The following ATG16L1 variants were observed in gnomAD, a reference collection of about 807,000 sequenced individuals.
ATG16L1 encodes autophagy related 16 like 1, also known as autophagy-related protein 16-1.
ATG16L1 carries 37 observed loss-of-function variants against 88.5 expected under a neutral mutation model. The observed-to-expected ratio is 0.42, with a 90% CI of 0.32 to 0.55. The LOEUF (loss-of-function observed/expected upper bound fraction) is 0.55, where lower values mean the gene tolerates loss of function less well. Ranked by LOEUF, ATG16L1 falls within the 20% of genes least tolerant of loss-of-function variation. The pLI is 0.13. For missense variants in ATG16L1, 554 were observed against 752.8 expected (o/e 0.74, Z 3.09); for synonymous variants, 301 against 281.0 (o/e 1.07, Z -0.71).
intron 2 of ATG16L1, 130 bp from the exon 3 acceptor site, chr2:233,263,000 A>G: frequency 1.3e-6 from 1 of 776,158 alleles, no homozygotes; most frequent in Non-Finnish European, 2.2e-6. Context: ...AGACACCCGA[A>G]TGGTTTATTG....
intron 1 of ATG16L1, among the ~76,000 whole-genome samples, chr2:233,252,647 C>T (rs1696459532): frequency 6.6e-6 from 1 of 152,066 alleles, no homozygotes; most frequent in South Asian, 2.1e-4. Context: ...CTCGGCCTCC[C>T]AAAGTGCTGG....
At chr2:233,269,336 T>A (rs932790421) in intron 5 of ATG16L1, among the ~76,000 whole-genome samples, 1 of 152,146 alleles carries the variant, frequency 6.6e-6, no homozygotes, top group Admixed American at 6.5e-5. Context: ...CCTAAGTAAA[T>A]CTTCACTGTT....
At chr2:233,252,556 T>A (rs187795452) in intron 1 of ATG16L1, among the ~76,000 whole-genome samples, 4,870 of 151,948 alleles carry the variant, frequency 0.032, 86 homozygotes, top group Non-Finnish European at 0.039. Flanking sequence ...CTAATTTTTT[T>A]AAAAAAAAAT....
At chr2:233,275,466 G>A (rs148143179) in intron 9 of ATG16L1, 16 of 346,756 alleles carry the variant, frequency 4.6e-5, no homozygotes, top group South Asian at 1.6e-4. Context: ...AACTGGCAGC[G>A]GGTAAGTGAA....
Position 233,295,328 on chromosome 2 carries a change from C to T in ATG16L1, c.*978C>T, listed in dbSNP as rs1257982591. On this transcript the variant is annotated 3_prime_UTR_variant, in exon 18 of 18. Transcript: ENST00000392017. Reference sequence around the variant, plus strand: ...ACATTTATCTTTACTATTTTACCTACGTATAAAGTTTTAGTTCATTGGGTG... The same window carrying T: ...ACATTTATCTTTACTATTTTACCTATGTATAAAGTTTTAGTTCATTGGGTG... The T allele has an allele frequency of 6.5e-6, 1 of 152,810 alleles. No homozygotes were observed. The highest frequency in any genetic ancestry group is 1.5e-5 in the Non-Finnish European group (1 of 68,044). 9.5% of individuals were successfully genotyped at this position (152,810 alleles called of 1,614,324 possible).
intron 1 of ATG16L1, among the ~76,000 whole-genome samples, chr2:233,254,968 T>TC (rs1696672162): frequency 2.4e-5 from 3 of 124,184 alleles, no homozygotes; most frequent in Non-Finnish European, 5.7e-5. Flanking sequence ...TCATTTCATT[T>TC]GTTTATTTAT....
Position 233,294,490 on chromosome 2 carries a change from T to G in ATG16L1, c.*140T>G. The G allele has an allele frequency of 1.8e-6, 1 of 561,706 alleles. No homozygotes were observed. 34.8% of individuals were successfully genotyped at this position (561,706 alleles called of 1,614,324 possible). ...GCTCAAGCTATGTGGCACTGTAGCT[T>G]TGCCGTGAATGGGATTTCTGAAGAT... On this transcript the variant is annotated 3_prime_UTR_variant, in exon 18 of 18. Transcript: ENST00000392017.
At chr2:233,283,550 AT>A (rs1336395209) in intron 12 of ATG16L1, among the ~76,000 whole-genome samples, 5 of 151,034 alleles carry the variant, frequency 3.3e-5, no homozygotes, top group Admixed American at 1.3e-4. Flanking sequence ...GTTAAGATGA[AT>A]TTTTTTTCTT....
intron 14 of ATG16L1, among the ~76,000 whole-genome samples, chr2:233,291,445 A>G (rs988796614): frequency 2.6e-5 from 4 of 152,240 alleles, no homozygotes; most frequent in African/African-American, 7.2e-5. Flanking sequence ...TTTAGCAACA[A>G]TAAGATAAAT....
At chr2:233,266,524 C>T (rs544492622) in intron 5 of ATG16L1, among the ~76,000 whole-genome samples, 2 of 152,038 alleles carry the variant, frequency 1.3e-5, no homozygotes, top group African/African-American at 2.4e-5. Flanking sequence ...TCAGTAGTTT[C>T]GAGTTTGAAG....
chr2:233,283,551 T>C (rs1049973256), intron 12 of ATG16L1, among the ~76,000 whole-genome samples: 1 of 151,666 alleles, frequency 6.6e-6, no homozygotes, highest in Non-Finnish European at 1.5e-5. Context: ...TTAAGATGAA[T>C]TTTTTTTCTT....
At chr2:233,288,755 A>T (rs745329124) in intron 12 of ATG16L1, 21 of 518,922 alleles carry the variant, frequency 4.0e-5, no homozygotes, top group South Asian at 2.9e-4. Context: ...CCTCTCCTCC[A>T]TCGCACTTCA....
At chr2:233,273,430 G>A in intron 7 of ATG16L1, 2 of 509,778 alleles carry the variant, frequency 3.9e-6, no homozygotes, top group Non-Finnish European at 6.9e-6. Flanking sequence ...GTCAGAAATT[G>A]TGAAGTTAGT....
At chr2:233,261,120 T>G (rs575003096) in intron 2 of ATG16L1, among the ~76,000 whole-genome samples, 88 of 152,250 alleles carry the variant, frequency 5.8e-4, no homozygotes, top group African/African-American at 1.9e-3. Context: ...CACGCCCAGC[T>G]AATTTTTTGT....
intron 17 of ATG16L1, 46 bp downstream of exon 17, chr2:233,293,403 CCTTTGA>C: frequency 2.0e-6 from 3 of 1,531,280 alleles, no homozygotes; most frequent in Non-Finnish European, 1.8e-6. Flanking sequence ...GTGAGCAAGG[CCTTTGA>C]CTTCATCTCA....
At chr2:233,257,097 T>C (rs1176435381) in intron 2 of ATG16L1, among the ~76,000 whole-genome samples, 1 of 151,264 alleles carries the variant, frequency 6.6e-6, no homozygotes, top group Admixed American at 6.6e-5. Context: ...TGGCGCGTTC[T>C]GGGCTCAGTG....
chr2:233,292,414 C>G lies in ATG16L1; in HGVS notation c.1608C>G (p.Asp536Glu), dbSNP rs1228545979. Residue 536 changes from aspartate to glutamate, a missense_variant, in exon 16 of 18, where the codon GAC becomes GAG. This residue lies in a region of ATG16L1 where 370 missense variants were observed against 509.7 expected (regional missense o/e 0.73). Coordinates refer to ENST00000392017, the MANE Select transcript of ATG16L1 (RefSeq NM_030803.7). ...FSAPGFKCGS[D>E]WTRVVFSPDG... is the part of the protein sequence containing the mutation. ...CACCTGGGTTCAAGTGCGGCTCTGA[C>G]TGGACCAGAGTTGTCTTCAGGTTAG... The G allele has an allele frequency of 3.7e-6, 6 of 1,613,034 alleles. No homozygotes were observed. Among genetic ancestry groups the G allele is most frequent in the Non-Finnish European group, 5.1e-6 (6 of 1,179,972 alleles).
rs571177414 is a variant in ATG16L1 at position 233,292,206 on chromosome 2, C to G, written c.1509C>G (p.Leu503=). 116 of 1,614,094 alleles carry G rather than the reference C, an allele frequency of 7.2e-5. No homozygotes were observed. Among genetic ancestry groups the G allele is most frequent in the Non-Finnish European group, 9.6e-5 (113 of 1,180,046 alleles). Residue 503 remains leucine (L), a synonymous_variant, in exon 15 of 18, where the codon CTC becomes CTG. Transcript: ENST00000392017. The part of the protein sequence containing the change: ...ALDLNPERTE[L]LSCSRDDLLK... ...ACTTAAACCCAGAAAGGACTGAGCT[C>G]CTGAGCTGCTCCCGTGATGACTTGC...
rs189068912 is a variant in ATG16L1, at chr2:233,293,312, G to A, written c.1685G>A (p.Ser562Asn). 4 of 1,614,222 alleles carry A rather than the reference G, an allele frequency of 2.5e-6. No individual in the cohort carries two copies. The Admixed American group carries it at 5.0e-5, about 20-fold the overall frequency. Residue 562 changes from serine to asparagine, a missense_variant, in exon 17 of 18, where the codon AGT becomes AAT. Transcript: ENST00000392017. ...GSAEGSLYIW[S>N]VLTGKVEKVL... ...GCTGAGGGCTCTCTGTATATCTGGA[G>A]TGTGCTCACAGGGAAAGTGGAAAAG...
Sources: gnomAD v4.1 joint callset for allele counts (sites outside exome capture counted in the v4.1 genomes callset) on GRCh38, gnomAD v4.1.1 for gene constraint, gnomAD v4.1.1 regional missense constraint, MANE v1.5 for transcripts, NCBI Gene and HGNC (gene_info 2026-07-23, HGNC 2026-07-21) for gene names.